The following CNTN1 variants were observed in gnomAD, a reference collection of about 807,000 sequenced individuals.
CNTN1 encodes the protein contactin 1, also known as contactin-1.
CNTN1 carries 38 observed loss-of-function variants against 126.4 expected under a neutral mutation model. The ratio of observed to expected loss-of-function variants is 0.30; its 90% confidence interval spans 0.23 to 0.39. The LOEUF (loss-of-function observed/expected upper bound fraction) is 0.39, where lower values mean the gene tolerates loss of function less well. CNTN1 is among the 10% of genes least tolerant of loss of function. CNTN1 has a pLI of 1.00. For synonymous variants in CNTN1, 413 were observed against 422.6 expected (o/e 0.98, Z 0.28); for missense variants, 1,009 against 1,248.4 (o/e 0.81, Z 2.89).
chr12:41,010,834 T>C lies in CNTN1; in HGVS notation c.2114-3394T>C, dbSNP rs532339265. On this transcript the variant is annotated intron_variant, in intron 17 of 23. Coordinates refer to ENST00000551295, the MANE Select transcript of CNTN1 (RefSeq NM_001843.4). Reference sequence around the variant, plus strand: ...AATGGTGTTTCCTTTTCCATCCATCTGTGGCATCACCGGTGTTCCAACTAG... The same window carrying C: ...AATGGTGTTTCCTTTTCCATCCATCCGTGGCATCACCGGTGTTCCAACTAG... Among the ~76,000 whole-genome samples the C allele has an allele frequency of 3.9e-5, 6 of 152,044 alleles. No homozygotes were observed. The East Asian group carries it at 1.2e-3, about 29-fold the overall frequency.
intron 1 of CNTN1, among the ~76,000 whole-genome samples, chr12:40,726,563 A>T (rs1383592793): frequency 6.6e-6 from 1 of 152,174 alleles, no homozygotes; most frequent in Non-Finnish European, 1.5e-5. Flanking sequence ...TGTGGGGGAA[A>T]CCACCACCAT....
intron 1 of CNTN1, among the ~76,000 whole-genome samples, chr12:40,872,993 G>A (rs1943554583): frequency 6.6e-6 from 1 of 152,100 alleles, no homozygotes; most frequent in Admixed American, 6.6e-5. Flanking sequence ...CAAACCATAA[G>A]AAGGTAAGCA....
chr12:40,721,582 G>A (rs1435749357), intron 1 of CNTN1, among the ~76,000 whole-genome samples: 1 of 150,158 alleles, frequency 6.7e-6, no homozygotes, highest in Non-Finnish European at 1.5e-5. Context: ...TTAAGTTTTA[G>A]GGTACATGTG....
At chr12:40,888,403 C>T (rs138547220) in intron 1 of CNTN1, among the ~76,000 whole-genome samples, 8 of 151,894 alleles carry the variant, frequency 5.3e-5, no homozygotes, top group Non-Finnish European at 1.0e-4. Context: ...TAAAATATGT[C>T]GAAAATAAAA....
intron 14 of CNTN1, among the ~76,000 whole-genome samples, chr12:40,957,123 T>A (rs1946914358): frequency 6.6e-6 from 1 of 151,826 alleles, no homozygotes; most frequent in Non-Finnish European, 1.5e-5. Flanking sequence ...GCTGAAGCAG[T>A]GGGACTCAGA....
Position 40,928,873 on chromosome 12 carries a change from C to A in CNTN1, c.497-923C>A, listed in dbSNP as rs565700726. ...CATGATTATTCATCTTTAAAAGAAG[C>A]CTGAGTGCTGTGATTTCTTGGTTTT... is the stretch of plus-strand genomic sequence containing the variant. On this transcript the variant is annotated intron_variant, in intron 6 of 23. Transcript: ENST00000551295. 2.6e-5 allele frequency among the ~76,000 whole-genome samples: 4 copies of A among 152,078 alleles called. No individual in the cohort carries two copies. The East Asian group carries it at 7.7e-4, about 29-fold the overall frequency.
chr12:40,808,382 C>T (rs1330008297), intron 1 of CNTN1, among the ~76,000 whole-genome samples: 1 of 151,892 alleles, frequency 6.6e-6, no homozygotes, highest in Non-Finnish European at 1.5e-5. Context: ...AATATTTCCA[C>T]CATGGTTGAT....
intron 15 of CNTN1, among the ~76,000 whole-genome samples, chr12:40,977,775 TGTTTTG>T (rs1566078919): frequency 3.9e-4 from 5 of 12,918 alleles, no homozygotes; most frequent in African/African-American, 1.9e-3. Flanking sequence ...TGTTTTGTTT[TGTTTTG>T]TTTTGTTTTG....
intron 23 of CNTN1, among the ~76,000 whole-genome samples, chr12:41,065,949 A>G (rs559245808): frequency 1.1e-4 from 17 of 152,374 alleles, no homozygotes; most frequent in African/African-American, 3.6e-4. Context: ...GTGCTGTCCC[A>G]GCAGGAGTTT....
chr12:40,704,436 G>A (rs1378520772), intron 1 of CNTN1, among the ~76,000 whole-genome samples: 1 of 152,048 alleles, frequency 6.6e-6, no homozygotes, highest in Non-Finnish European at 1.5e-5. Flanking sequence ...CTCCCTTTGA[G>A]TAGTTAAGAA....
intron 1 of CNTN1, among the ~76,000 whole-genome samples, chr12:40,836,130 A>G (rs996531152): frequency 2.4e-5 from 3 of 123,082 alleles, no homozygotes; most frequent in South Asian, 2.6e-4. Context: ...ATATACGTAC[A>G]TATACAGGTA....
At position 40,721,658 on chromosome 12, in the gene CNTN1, G is replaced by A. The variant is rs539844608; in HGVS notation, c.-77+29066G>A. On this transcript the variant is annotated intron_variant, in intron 1 of 23. Transcript: ENST00000551295. ...GCTGGTGTGCTGCACCCATTAACTCGTCATTTAGCATTAGGTATATCTCCT... is the reference window on the plus strand; with the variant it reads ...GCTGGTGTGCTGCACCCATTAACTCATCATTTAGCATTAGGTATATCTCCT... Among the ~76,000 whole-genome samples, 480 of 144,494 alleles carry A rather than the reference G, an allele frequency of 3.3e-3. 1 individual carries two copies. Among genetic ancestry groups the A allele is most frequent in the Non-Finnish European group, 5.8e-3 (383 of 65,894 alleles). The allele number at this position is 144,494 out of a possible 152,430, so 94.8% of individuals were successfully genotyped here. A position where few individuals can be genotyped will look rare whatever the true frequency, so the allele number is the denominator to read the frequency against.
In CNTN1 at chr12:40,856,440, G is replaced by A. The variant is rs569326269; in HGVS notation, c.-76-51917G>A. Among the ~76,000 whole-genome samples, 44 of 152,208 alleles carry A rather than the reference G, an allele frequency of 2.9e-4. 1 individual carries two copies. The South Asian group carries it at 6.4e-3, about 22-fold the overall frequency. ...CCTCTGGAGAGTAGAAAATCGCTGA[G>A]TAGGGAAATAGAATGATTTGCCTGG... is the stretch of plus-strand genomic sequence containing the variant. On this transcript the variant is annotated intron_variant, in intron 1 of 23. Coordinates refer to ENST00000551295, the MANE Select transcript of CNTN1 (RefSeq NM_001843.4).
chr12:40,980,784 A>T (rs1947800222), intron 15 of CNTN1, 125 bp from the exon 16 acceptor site: 1 of 855,036 alleles, frequency 1.2e-6, no homozygotes, highest in Admixed American at 2.0e-5. Context: ...AAAGAAATGC[A>T]GACACACTGA....
At chr12:40,835,378 A>G (rs1592139518) in intron 1 of CNTN1, among the ~76,000 whole-genome samples, 1 of 152,210 alleles carries the variant, frequency 6.6e-6, no homozygotes, top group African/African-American at 2.4e-5. Flanking sequence ...TAATAGGACC[A>G]TTCTGATTGA....
chr12:41,016,795 A>G lies in CNTN1; in HGVS notation c.2298A>G (p.Arg766=), dbSNP rs1948791172. Residue 766 remains arginine, a synonymous_variant, in exon 19 of 24, where the codon CGA becomes CGG. Coordinates refer to ENST00000551295, the MANE Select transcript of CNTN1 (RefSeq NM_001843.4). The part of the protein sequence containing the change: ...KVTVTNPDTG[R]YVHKDETMSP... ...CAGTTACTAATCCTGATACTGGCCG[A>G]TATGTCCATAAAGATGAAACCATGA... 6.2e-7 allele frequency: 1 copy of G among 1,614,000 alleles called. No individual in the cohort carries two copies. Among genetic ancestry groups the G allele is most frequent in the African/African-American group, 1.3e-5 (1 of 74,918 alleles).
At chr12:40,785,807 C>A (rs569057166) in intron 1 of CNTN1, among the ~76,000 whole-genome samples, 4 of 152,190 alleles carry the variant, frequency 2.6e-5, no homozygotes, top group South Asian at 2.1e-4. Context: ...AGAGGCCTGA[C>A]AGTAGGATAC....
chr12:41,035,402 C>A (rs1949235427), intron 23 of CNTN1, among the ~76,000 whole-genome samples: 2 of 152,240 alleles, frequency 1.3e-5, no homozygotes, highest in Admixed American at 6.5e-5. Context: ...TTTTCAAAAA[C>A]ATTTTGTTCT....
At chr12:40,852,096 G>T (rs1565832280) in intron 1 of CNTN1, among the ~76,000 whole-genome samples, 2 of 152,142 alleles carry the variant, frequency 1.3e-5, no homozygotes, top group South Asian at 4.1e-4. Context: ...AATGGATGTT[G>T]TCTGTAAAGT....
Sources: gnomAD v4.1 joint callset for allele counts (sites outside exome capture counted in the v4.1 genomes callset) on GRCh38, gnomAD v4.1.1 for gene constraint, MANE v1.5 for transcripts, NCBI Gene and HGNC (gene_info 2026-07-23, HGNC 2026-07-21) for gene names.